The following USP22 variants were observed in gnomAD, a reference collection of about 807,000 sequenced individuals.
USP22 encodes ubiquitin specific peptidase 22.
Under a neutral mutation model 68.1 loss-of-function variants are expected in USP22, and 22 were observed. The observed-to-expected ratio is 0.32, with a 90% CI of 0.23 to 0.46. The LOEUF (loss-of-function observed/expected upper bound fraction) is 0.46. USP22 is among the 20% of genes least tolerant of loss of function. The pLI, the probability that USP22 is intolerant of heterozygous loss-of-function variation, is 1.00. For missense variants in USP22, 433 were observed against 695.8 expected (o/e 0.62, Z 4.25); for synonymous variants, 279 against 274.2 (o/e 1.02, Z -0.17).
At chr17:21,034,509 G>A (rs1452660791) in intron 1 of USP22, among the ~76,000 whole-genome samples, 1 of 152,186 alleles carries the variant, frequency 6.6e-6, no homozygotes, top group Non-Finnish European at 1.5e-5. Flanking sequence ...GGAAATGCCA[G>A]AAATAAACAA....
chr17:21,004,056 C>T, intron 12 of USP22, 146 bp downstream of exon 12: 2 of 1,176,922 alleles, frequency 1.7e-6, no homozygotes, highest in South Asian at 1.6e-5. Context: ...GGCTGGCATC[C>T]TATCCAGAAC....
intron 3 of USP22, 27 bp from the exon 4 acceptor site, chr17:21,019,212 C>A (rs771125547): frequency 1.9e-6 from 3 of 1,603,554 alleles, no homozygotes; most frequent in South Asian, 2.2e-5. Context: ...CAGTTCCAAG[C>A]GCTATTAGCT....
At chr17:21,011,061 G>C in intron 8 of USP22, 90 bp downstream of exon 8, 1 of 1,483,326 alleles carries the variant, frequency 6.7e-7, no homozygotes, top group Non-Finnish European at 9.0e-7. Flanking sequence ...CTCTGTCCTG[G>C]GCATGTGAAA....
intron 8 of USP22, among the ~76,000 whole-genome samples, chr17:21,008,960 G>A (rs1274244948): frequency 1.3e-5 from 2 of 152,108 alleles, no homozygotes; most frequent in South Asian, 2.1e-4. Flanking sequence ...GCGAGGTGGT[G>A]CATGCCTATA....
chr17:21,041,389 G>C (rs937061942), intron 1 of USP22, among the ~76,000 whole-genome samples: 3 of 151,948 alleles, frequency 2.0e-5, no homozygotes, highest in East Asian at 3.9e-4. Flanking sequence ...CCTGAGATCA[G>C]GAGTTCCAGA....
At chr17:21,040,119 G>A (rs1368212450) in intron 1 of USP22, among the ~76,000 whole-genome samples, 1 of 152,148 alleles carries the variant, frequency 6.6e-6, no homozygotes, top group South Asian at 2.1e-4. Context: ...AGGCTGCAGT[G>A]ATCACTGACC....
In USP22 at chr17:21,017,981, G is replaced by T; in HGVS notation, c.651C>A (p.Ser217Arg). 1.2e-6 allele frequency: 2 copies of T among 1,614,168 alleles called. No individual in the cohort carries two copies. Among genetic ancestry groups the T allele is most frequent in the Non-Finnish European group, 1.7e-6 (2 of 1,180,044 alleles). The change falls in exon 5 of 13, where the codon AGC becomes AGA. Residue 217 changes from serine (S) to arginine (R), a missense_variant. By Grantham distance (110) the Ser-to-Arg change is moderately radical. Around this residue, in one of 4 missense-constraint regions of USP22, gnomAD observed 144 missense variants for 237.2 expected, o/e 0.61. Coordinates refer to ENST00000261497, the MANE Select transcript of USP22 (RefSeq NM_015276.2). ...AGGACATCTCACAGACCAGACAGGA[G>T]CTGGGGCTCTGCATCTCACAGCGGT... ...DRHRCEMQSP[S>R]SCLVCEMSSL...
At chr17:21,040,354 A>T (rs1358470574) in intron 1 of USP22, among the ~76,000 whole-genome samples, 1 of 152,210 alleles carries the variant, frequency 6.6e-6, no homozygotes, top group African/African-American at 2.4e-5. Flanking sequence ...AGGACACCGC[A>T]CATGAAGTGA....
Position 21,002,688 on chromosome 17 carries a change from C to T in USP22, c.*343G>A. ...GGTAGGGGCCTTTCCACACCGAGTG[C>T]TGGGGAACGCCAGGCAGCGGTCACT... On this transcript the variant is annotated 3_prime_UTR_variant, in exon 13 of 13. Transcript: ENST00000261497. 2 of 320,628 alleles carry T rather than the reference C, an allele frequency of 6.2e-6. No individual in the cohort carries two copies. Among genetic ancestry groups the T allele is most frequent in the Non-Finnish European group, 6.1e-6 (1 of 164,280 alleles). The allele number at this position is 320,628 out of a possible 1,614,324, so 19.9% of individuals were successfully genotyped here.
chr17:21,027,750 CA>C (rs1972240396), intron 2 of USP22, among the ~76,000 whole-genome samples: 1 of 152,166 alleles, frequency 6.6e-6, no homozygotes, highest in Admixed American at 6.5e-5. Flanking sequence ...AGGAGGATCA[CA>C]TGAGGTCAGG....
At chr17:21,039,263 T>C (rs777246930) in intron 1 of USP22, among the ~76,000 whole-genome samples, 3 of 151,634 alleles carry the variant, frequency 2.0e-5, no homozygotes, top group African/African-American at 4.8e-5. Context: ...AATATTTTTA[T>C]AGTCTGCAAT....
intron 6 of USP22, 186 bp downstream of exon 6, chr17:21,015,566 A>AG (rs1914106315): frequency 3.9e-6 from 3 of 770,078 alleles, no homozygotes; most frequent in African/African-American, 1.8e-5. Context: ...ATAAACTAGG[A>AG]GGAGCCTCTC....
chr17:21,041,356 G>C (rs1463241569), intron 1 of USP22, among the ~76,000 whole-genome samples: 2 of 152,100 alleles, frequency 1.3e-5, no homozygotes, highest in Non-Finnish European at 2.9e-5. Context: ...CCAACACTTT[G>C]GGAGGCAGAG....
chr17:21,003,091 G>A lies in USP22; in HGVS notation c.1536-18C>T, dbSNP rs752249443. On this transcript the variant is annotated intron_variant, in intron 12 of 12. Coordinates refer to ENST00000261497, the MANE Select transcript of USP22 (RefSeq NM_015276.2). ...GCAAGTACCTGTGGAGGCAGAGAGA[G>A]GGAGGAGGCTCACCTCTAACTCCTA... The A allele has an allele frequency of 2.5e-6, 4 of 1,613,766 alleles. No individual in the cohort carries two copies. The South Asian group carries it at 3.3e-5, about 13-fold the overall frequency.
chr17:21,037,959 A>C (rs1395879353), intron 1 of USP22, among the ~76,000 whole-genome samples: 1 of 152,216 alleles, frequency 6.6e-6, no homozygotes, highest in Non-Finnish European at 1.5e-5. Context: ...ATCTACAATG[A>C]CCTCAAAATT....
intron 12 of USP22, 104 bp downstream of exon 12, chr17:21,004,098 C>T (rs755499921): frequency 4.1e-6 from 6 of 1,460,412 alleles, no homozygotes; most frequent in Non-Finnish European, 5.6e-6. Context: ...TGAAGGTCAA[C>T]ACCTTCGAGT....
intron 1 of USP22, among the ~76,000 whole-genome samples, chr17:21,037,428 C>G (rs1384919383): frequency 6.6e-6 from 1 of 152,154 alleles, no homozygotes; most frequent in Non-Finnish European, 1.5e-5. Context: ...AGCCCAGCAA[C>G]CCAAGACATC....
intron 5 of USP22, among the ~76,000 whole-genome samples, chr17:21,017,040 G>A (rs994606010): frequency 5.9e-5 from 9 of 152,314 alleles, no homozygotes; most frequent in African/African-American, 1.9e-4. Flanking sequence ...GTCCCCAGCA[G>A]TTATGGCACA....
chr17:21,030,969 C>T (rs770993886), intron 1 of USP22, among the ~76,000 whole-genome samples: 1 of 152,218 alleles, frequency 6.6e-6, no homozygotes, highest in Non-Finnish European at 1.5e-5. Context: ...AGGAGGTAAA[C>T]TACCATGATG....
Sources: gnomAD v4.1 joint callset for allele counts (sites outside exome capture counted in the v4.1 genomes callset) on GRCh38, gnomAD v4.1.1 for gene constraint, gnomAD v4.1.1 regional missense constraint, MANE v1.5 for transcripts, NCBI Gene and HGNC (gene_info 2026-07-23, HGNC 2026-07-21) for gene names.